Variants in USP45 observed in about 807,000 individuals in gnomAD.
USP45 encodes ubiquitin carboxyl-terminal hydrolase 45.
USP45 carries 89 observed loss-of-function variants against 95.8 expected under a neutral mutation model. The observed-to-expected ratio is 0.93, with a 90% CI of 0.78 to 1.11. The LOEUF (loss-of-function observed/expected upper bound fraction) is 1.11, where lower values mean the gene tolerates loss of function less well. Ranked by LOEUF, USP45 falls within the 50% of genes least tolerant of loss-of-function variation. The probability of loss-of-function intolerance (pLI) is 0.00; values close to 1 mark genes in which losing one functional copy is unlikely to be tolerated. For missense variants in USP45, 898 were observed against 942.5 expected, an observed-to-expected ratio of 0.95 and a Z score of 0.62; for synonymous variants, 281 against 316.2, an observed-to-expected ratio of 0.89 and a Z score of 1.18.
At chr6:99,497,448 AGAGT>A (rs1220191623) in intron 5 of USP45, among the ~76,000 whole-genome samples, 1 of 152,188 alleles carries the variant, frequency 6.6e-6, no homozygotes, top group Non-Finnish European at 1.5e-5. Flanking sequence ...TAATATTTAA[AGAGT>A]GAGTAAAAAG....
intron 13 of USP45, among the ~76,000 whole-genome samples, chr6:99,449,970 C>A (rs1783479407): frequency 6.6e-6 from 1 of 152,182 alleles, no homozygotes; most frequent in Admixed American, 6.5e-5. Flanking sequence ...TAAAGATGCT[C>A]TTTGAAACCA....
At chr6:99,507,649 G>A in intron 3 of USP45, 118 bp from the exon 4 acceptor site, 1 of 655,524 alleles carries the variant, frequency 1.5e-6, no homozygotes, top group Non-Finnish European at 2.5e-6. Flanking sequence ...TCAGGCCAGA[G>A]GAGAAAGTTT....
At chr6:99,509,977 G>C in intron 2 of USP45, 144 bp downstream of exon 2, 1 of 640,132 alleles carries the variant, frequency 1.6e-6, no homozygotes, top group Non-Finnish European at 2.7e-6. Flanking sequence ...CGCATCCCAA[G>C]AATAGTGTAT....
rs1328117105 is a variant in USP45, at chr6:99,446,326, C to G, written c.1446G>C (p.Leu482=). The G allele has an allele frequency of 6.2e-7, 1 of 1,614,086 alleles. No homozygotes were observed. The highest frequency in any genetic ancestry group is 1.3e-5 in the African/African-American group (1 of 74,934). Residue 482 remains leucine, a synonymous_variant, in exon 14 of 18, where the codon CTG becomes CTC. Coordinates refer to ENST00000500704, the MANE Select transcript of USP45 (RefSeq NM_001346022.3). ...FASLMNSESR[L]NESPTDDSEK... ...CACTGTCATCAGTAGGGCTTTCATT[C>G]AGACGTGACTCAGAATTCATGAGGC...
At chr6:99,458,558 C>T (rs1467337303) in intron 13 of USP45, among the ~76,000 whole-genome samples, 1 of 152,210 alleles carries the variant, frequency 6.6e-6, no homozygotes, top group Non-Finnish European at 1.5e-5. Flanking sequence ...CTGTCTGAAT[C>T]CCCATTTCTG....
At position 99,432,760 on chromosome 6, in the gene USP45, C is replaced by T. The variant is rs1024591381; in HGVS notation, c.*2956G>A. On this transcript the variant is annotated 3_prime_UTR_variant, in exon 18 of 18. Coordinates refer to ENST00000500704, the MANE Select transcript of USP45 (RefSeq NM_001346022.3). ...TACATGCAGAAAAATAAATTACAAA[C>T]GTGAATTTTTAAAAGGAATCAGGAT... 6 of 152,450 alleles carry T rather than the reference C, an allele frequency of 3.9e-5. No homozygotes were observed. Among genetic ancestry groups the T allele is most frequent in the East Asian group, 1.9e-4 (1 of 5,198 alleles). 9.4% of individuals were successfully genotyped at this position (152,450 alleles called of 1,614,324 possible).
At chr6:99,512,632 A>G (rs182211180) in intron 1 of USP45, among the ~76,000 whole-genome samples, 43 of 152,300 alleles carry the variant, frequency 2.8e-4, no homozygotes, top group Admixed American at 5.2e-4. Context: ...TCAATTCAGT[A>G]CTAAATTCCA....
chr6:99,509,918 C>G (rs956518191), intron 2 of USP45, among the ~76,000 whole-genome samples: 2 of 152,096 alleles, frequency 1.3e-5, no homozygotes, highest in Non-Finnish European at 2.9e-5. Flanking sequence ...CGCAGTGGGC[C>G]CCGTGGAATC....
chr6:99,490,717 T>C (rs956732423), intron 5 of USP45, among the ~76,000 whole-genome samples: 8 of 152,166 alleles, frequency 5.3e-5, no homozygotes, highest in Middle Eastern at 3.4e-3. Flanking sequence ...GGTTAGCTTC[T>C]TACGTCTCTG....
At position 99,509,908 on chromosome 6, in the gene USP45, C is replaced by G. The variant is rs376098438; in HGVS notation, c.100+213G>C. The stretch of plus-strand genomic sequence containing the variant: ...CCCAAATCTGTGCATACTCAAGTCC[C>G]GCAGTGGGCCCCGTGGAATCTGCAT... On this transcript the variant is annotated intron_variant, in intron 2 of 17. Coordinates refer to ENST00000500704, the MANE Select transcript of USP45 (RefSeq NM_001346022.3). Among the ~76,000 whole-genome samples, 101 of 152,236 alleles carry G rather than the reference C, an allele frequency of 6.6e-4. 1 individual carries two copies. Among genetic ancestry groups the G allele is most frequent in the African/African-American group, 2.3e-3 (96 of 41,544 alleles).
At chr6:99,449,491 AATACAGGAGCACC>A (rs1783359028) in intron 13 of USP45, among the ~76,000 whole-genome samples, 1 of 36,246 alleles carries the variant, frequency 2.8e-5, no homozygotes, top group Non-Finnish European at 5.2e-5. Flanking sequence ...ATATGCACCC[AATACAGGAGCACC>A]CAATACAGGA....
chr6:99,476,716 G>T (rs1471503128), intron 8 of USP45, among the ~76,000 whole-genome samples: 2 of 152,174 alleles, frequency 1.3e-5, no homozygotes, highest in East Asian at 3.8e-4. Flanking sequence ...TAAATCATTT[G>T]CAAGGTCATA....
chr6:99,484,175 CT>C (rs113730302), intron 7 of USP45, among the ~76,000 whole-genome samples: 554 of 139,232 alleles, frequency 4.0e-3, no homozygotes, highest in Admixed American at 6.6e-3. Context: ...TGTGTTTTTT[CT>C]TTTTTTTTTT....
At chr6:99,459,218 T>A (rs547197350) in intron 13 of USP45, among the ~76,000 whole-genome samples, 7 of 152,174 alleles carry the variant, frequency 4.6e-5, no homozygotes, top group Non-Finnish European at 1.0e-4. Context: ...CTCCCACTTA[T>A]AAGTGAGAAC....
At chr6:99,498,009 G>A (rs912338) in intron 5 of USP45, among the ~76,000 whole-genome samples, 129,607 of 152,242 alleles carry the variant, frequency 0.85, 55,869 homozygotes, top group East Asian at 0.99. Flanking sequence ...CGAATGTTAG[G>A]TACTATTCCA....
intron 5 of USP45, among the ~76,000 whole-genome samples, chr6:99,503,411 C>T (rs1199760666): frequency 1.3e-5 from 2 of 151,846 alleles, no homozygotes; most frequent in Admixed American, 6.6e-5. Context: ...ACTGCAACCT[C>T]CGCCTCCCCT....
chr6:99,517,344 C>T (rs1801176259), upstream of USP45, among the ~76,000 whole-genome samples: 1 of 152,034 alleles, frequency 6.6e-6, no homozygotes, highest in Non-Finnish European at 1.5e-5. Flanking sequence ...CTTAAATTTA[C>T]CATCATGTTC....
intron 13 of USP45, among the ~76,000 whole-genome samples, chr6:99,449,812 G>T (rs1441789450): frequency 6.6e-6 from 1 of 152,154 alleles, no homozygotes; most frequent in East Asian, 1.9e-4. Context: ...TAAAAGAACA[G>T]AAATTATAAC....
At position 99,437,323 on chromosome 6, in the gene USP45, T is replaced by C. The variant is rs1248537054; in HGVS notation, c.2237A>G (p.His746Arg). The C allele has an allele frequency of 6.2e-6, 10 of 1,613,882 alleles. No homozygotes were observed. The highest frequency in any genetic ancestry group is 8.5e-6 in the Non-Finnish European group (10 of 1,179,934). ...TCTCACTTTCACATAAGCAGTGTAG[T>C]GGCCTTCTCTCATCGAGCCACTATG... ...VEHSGSMREG[H>R]YTAYVKVRTP... Residue 746 changes from histidine (H) to arginine (R), a missense_variant, in exon 17 of 18, where the codon CAC (histidine) becomes CGC (arginine). Transcript: ENST00000500704.
Sources: allele counts gnomAD v4.1 joint callset (sites outside exome capture counted in the v4.1 genomes callset), GRCh38; gene constraint gnomAD v4.1.1; transcripts MANE v1.5; gene names NCBI Gene and HGNC (gene_info 2026-07-23, HGNC 2026-07-21).